EVC: variants seen among roughly 807,000 people sequenced by gnomAD.
The protein encoded by EVC is evC complex member EVC.
In EVC, 116 loss-of-function variants were observed where a neutral mutation model predicts 118.9. The ratio of observed to expected loss-of-function variants is 0.98; its 90% CI spans 0.84 to 1.14. EVC has a LOEUF of 1.14. EVC is among the 50% of genes most tolerant of loss of function. The pLI, the probability that EVC is intolerant of heterozygous loss-of-function variation, is 0.00. For missense variants in EVC, 1,401 were observed against 1,246.4 expected (o/e 1.12, Z -1.87); for synonymous variants, 619 against 534.7 (o/e 1.16, Z -2.18).
chr4:5,714,787 T>C (rs1346612360), intron 1 of EVC, among the ~76,000 whole-genome samples: 1 of 152,098 alleles, frequency 6.6e-6, no homozygotes, highest in Non-Finnish European at 1.5e-5. Flanking sequence ...ATAGCTATTC[T>C]CTTTTTTTGT....
intron 17 of EVC, among the ~76,000 whole-genome samples, chr4:5,805,894 T>TTTC (rs1560441133): frequency 6.8e-6 from 1 of 148,058 alleles, no homozygotes; most frequent in Non-Finnish European, 1.5e-5. Flanking sequence ...TTCTTTTCTT[T>TTTC]TTTTTTTTTT....
chr4:5,714,761 G>A (rs1246059677), intron 1 of EVC, among the ~76,000 whole-genome samples: 1 of 151,998 alleles, frequency 6.6e-6, no homozygotes, highest in Admixed American at 6.6e-5. Flanking sequence ...ACAACATTTT[G>A]TTTTTCCTGA....
chr4:5,793,121 C>T (rs551823279), intron 12 of EVC, among the ~76,000 whole-genome samples: 1 of 152,216 alleles, frequency 6.6e-6, no homozygotes, highest in Non-Finnish European at 1.5e-5. Flanking sequence ...GCAGGACCTA[C>T]CCTCGCTGCA....
intron 5 of EVC, among the ~76,000 whole-genome samples, chr4:5,739,236 C>T (rs540073061): frequency 5.3e-5 from 8 of 152,136 alleles, no homozygotes; most frequent in Non-Finnish European, 8.8e-5. Flanking sequence ...AAAGTAGACT[C>T]GAAACTAACA....
intron 4 of EVC, among the ~76,000 whole-genome samples, chr4:5,732,236 G>A (rs1016689191): frequency 5.9e-5 from 9 of 152,182 alleles, no homozygotes; most frequent in African/African-American, 2.2e-4. Flanking sequence ...ACGTGGTGGG[G>A]GCTTAAGAAG....
intron 8 of EVC, among the ~76,000 whole-genome samples, chr4:5,748,859 C>T (rs1487895405): frequency 6.6e-6 from 1 of 152,132 alleles, no homozygotes; most frequent in Non-Finnish European, 1.5e-5. Context: ...GAGCATAGAA[C>T]ACTGGTCCTA....
At chr4:5,781,773 G>A (rs1735635053) in intron 11 of EVC, among the ~76,000 whole-genome samples, 2 of 152,132 alleles carry the variant, frequency 1.3e-5, no homozygotes, top group South Asian at 2.1e-4. Flanking sequence ...CCAGGAAGTC[G>A]AGGGTGTGAT....
At chr4:5,766,302 G>A (rs987465794) in intron 11 of EVC, among the ~76,000 whole-genome samples, 2 of 151,132 alleles carry the variant, frequency 1.3e-5, no homozygotes, top group African/African-American at 4.9e-5. Flanking sequence ...TCCCTTTGTG[G>A]GTAACCCGAC....
chr4:5,797,039 T>G lies in EVC; in HGVS notation c.1904T>G (p.Leu635Arg). ...CCTCAAAGGTCCACGCGGTGTGTCC[T>G]GCAGGGGCATGACCTGCTGTTGCGC... The part of the protein sequence containing the change: ...GLTEESTRCV[L>R]QGHDLLLRSA... The change falls in exon 14 of 21, where the codon CTG (leucine) becomes CGG (arginine). Residue 635 changes from leucine to arginine, a missense_variant. Coordinates refer to ENST00000264956, the MANE Select transcript of EVC (RefSeq NM_153717.3). 6.2e-7 allele frequency: 1 copy of G among 1,613,166 alleles called. No homozygotes were observed. Among genetic ancestry groups the G allele is most frequent in the Non-Finnish European group, 8.5e-7 (1 of 1,179,834 alleles).
the EVC span, among the ~76,000 whole-genome samples, chr4:5,820,339 C>T: frequency 3.1e-5 from 4 of 128,062 alleles, no homozygotes; most frequent in Non-Finnish European, 6.0e-5. Flanking sequence ...ATTGTCATCA[C>T]TATTACTAAC....
At chr4:5,739,490 G>T (rs750281253) in intron 5 of EVC, among the ~76,000 whole-genome samples, 1 of 152,114 alleles carries the variant, frequency 6.6e-6, no homozygotes, top group African/African-American at 2.4e-5. Context: ...CAACCTCCCC[G>T]CATGCCATGG....
chr4:5,743,688 G>A lies in EVC; in HGVS notation c.802-1516G>A, dbSNP rs566060719. 3.9e-4 allele frequency among the ~76,000 whole-genome samples: 59 copies of A among 152,276 alleles called. No homozygotes were observed. Among genetic ancestry groups the A allele is most frequent in the South Asian group, 2.5e-3 (12 of 4,824 alleles). ...GGATGACTCACTGCATCCCAGGAAG[G>A]AGGAAGGACATCATCATCTTCACTG... On this transcript the variant is annotated intron_variant, in intron 6 of 20. Transcript: ENST00000264956. The surrounding 1 kb of genome is among the most constrained non-coding windows in gnomAD (Gnocchi z 4.7).
chr4:5,765,858 G>C (rs1051603091), intron 11 of EVC, among the ~76,000 whole-genome samples: 1 of 150,312 alleles, frequency 6.7e-6, no homozygotes, highest in Non-Finnish European at 1.5e-5. Context: ...TCTTCATCCA[G>C]TTTGCCAGTC....
At chr4:5,784,389 C>T (rs970505056) in intron 12 of EVC, among the ~76,000 whole-genome samples, 2 of 152,082 alleles carry the variant, frequency 1.3e-5, no homozygotes, top group African/African-American at 2.4e-5. Flanking sequence ...TCTAGGAACT[C>T]TGGCTGGTTC....
chr4:5,729,507 C>T (rs1726441280), intron 3 of EVC, 117 bp downstream of exon 3: 1 of 1,020,868 alleles, frequency 9.8e-7, no homozygotes, highest in South Asian at 1.3e-5. Context: ...GGTTTTATGG[C>T]AAGTCATTTT....
chr4:5,761,165 C>T (rs1260575892), intron 11 of EVC, among the ~76,000 whole-genome samples: 1 of 152,056 alleles, frequency 6.6e-6, no homozygotes, highest in South Asian at 2.1e-4. Flanking sequence ...AGCCCATTTA[C>T]TTTAAAGGCT....
Position 5,719,866 on chromosome 4 carries a change from C to T in EVC, c.300+493C>T, listed in dbSNP as rs369214893. Among the ~76,000 whole-genome samples the T allele has an allele frequency of 5.9e-5, 9 of 152,324 alleles. No homozygotes were observed. In the East Asian group the frequency reaches 1.7e-3, roughly 29 times the overall value. ...TGGATGTGCCACACTTTGTTGATTG[C>T]TCACTGTTTGTGTGTATTTCATTGG... On this transcript the variant is annotated intron_variant, in intron 2 of 20. Transcript: ENST00000264956. This position sits in a 1 kb window ranked among gnomAD's most constrained non-coding sequence, Gnocchi z 4.7.
At chr4:5,729,436 T>C (rs753090751) in intron 3 of EVC, 46 bp downstream of exon 3, 2 of 1,558,244 alleles carry the variant, frequency 1.3e-6, no homozygotes, top group African/African-American at 1.4e-5. Context: ...ACTTCCGTCA[T>C]GTGCCAGAGA....
chr4:5,811,382 G>T lies in EVC; in HGVS notation c.*345G>T. The T allele has an allele frequency of 2.9e-6, 1 of 344,622 alleles. No individual in the cohort carries two copies. 21.3% of individuals were successfully genotyped at this position (344,622 alleles called of 1,614,324 possible). A position where few individuals can be genotyped will look rare whatever the true frequency, so the allele number is the denominator to read the frequency against. On this transcript the variant is annotated 3_prime_UTR_variant, in exon 21 of 21. Transcript: ENST00000264956. ...CCCTGATGCAGACTCTGGAATCCCT[G>T]GCCCAAAGGCCTGTCTGGGCCCATC...
Sources: allele counts gnomAD v4.1 joint callset (sites outside exome capture counted in the v4.1 genomes callset), GRCh38; gene constraint gnomAD v4.1.1; non-coding constraint Gnocchi (gnomAD v3.1); transcripts MANE v1.5; gene names NCBI Gene and HGNC (gene_info 2026-07-23, HGNC 2026-07-21).